The following TNC variants were observed in gnomAD, a reference collection of about 807,000 sequenced individuals.
TNC encodes tenascin C, also known as tenascin.
TNC carries 109 observed loss-of-function variants against 202.4 expected under a neutral mutation model. The observed-to-expected ratio is 0.54, with a 90% CI of 0.46 to 0.63. The LOEUF (loss-of-function observed/expected upper bound fraction) is 0.63, where lower values mean the gene tolerates loss of function less well. Ranked by LOEUF, TNC falls within the 30% of genes least tolerant of loss-of-function variation. The probability of loss-of-function intolerance (pLI) is 0.00; values close to 1 mark genes in which losing one functional copy is unlikely to be tolerated. For synonymous variants in TNC, 1,007 were observed against 1,089.7 expected (o/e 0.92, Z 1.50); for missense variants, 2,756 against 2,833.3 (o/e 0.97, Z 0.62).
chr9:115,025,011 G>C (rs1829369675), intron 26 of TNC, among the ~76,000 whole-genome samples: 1 of 152,142 alleles, frequency 6.6e-6, no homozygotes, highest in Non-Finnish European at 1.5e-5. Flanking sequence ...AGAGCATGAG[G>C]ACGGCACGTA....
intron 1 of TNC, among the ~76,000 whole-genome samples, chr9:115,109,736 G>A (rs1392669527): frequency 6.6e-6 from 1 of 152,178 alleles, no homozygotes; most frequent in Non-Finnish European, 1.5e-5. Context: ...CATTCCTTGA[G>A]GTCTGTGTCC....
chr9:115,071,842 A>G (rs1453079041), intron 10 of TNC, among the ~76,000 whole-genome samples: 1 of 152,214 alleles, frequency 6.6e-6, no homozygotes, highest in Admixed American at 6.5e-5. Context: ...GCTCATGTTT[A>G]TAAAGCTGAA....
At position 115,073,590 on chromosome 9, in the gene TNC, A is replaced by G. The variant is rs753016557; in HGVS notation, c.3214+13T>C. The G allele has an allele frequency of 6.2e-7, 1 of 1,607,586 alleles. No homozygotes were observed. ...TCAACCTAGAGTTTGGAGGAAGCTC[A>G]GGGCAGACTCACCAGTGGATGCCTT... is the stretch of plus-strand genomic sequence containing the variant. On this transcript the variant is annotated intron_variant, in intron 10 of 27. Coordinates refer to ENST00000350763, the MANE Select transcript of TNC (RefSeq NM_002160.4).
Position 115,090,641 on chromosome 9 carries a change from C to T in TNC, c.378G>A (p.Leu126=). 6.2e-7 allele frequency: 1 copy of T among 1,612,854 alleles called. No individual in the cohort carries two copies. Among genetic ancestry groups the T allele is most frequent in the Non-Finnish European group, 8.5e-7 (1 of 1,179,080 alleles). Residue 126 remains leucine, a synonymous_variant, in exon 2 of 28, where the codon CTG becomes CTA. Transcript: ENST00000350763. ...APDVKELLSR[L]EELENLVSSL... ...AAGACACCAGGTTCTCCAGCTCCTC[C>T]AGTCTGCTCAGCAGCTCCTTAACAT...
Position 115,063,867 on chromosome 9 carries a change from T to C in TNC, c.3689A>G (p.His1230Arg), listed in dbSNP as rs756428186. The C allele has an allele frequency of 6.2e-7, 1 of 1,614,196 alleles. No individual in the cohort carries two copies. Reference sequence around the variant, plus strand: ...GACCCCGCGGATGGTGATGGTATAATGAGTGGCTGCTTTGAGCCCAGGCAG... The same window carrying C: ...GACCCCGCGGATGGTGATGGTATAACGAGTGGCTGCTTTGAGCCCAGGCAG... The part of the protein sequence containing the change: ...TDLPGLKAAT[H>R]YTITIRGVTQ... Residue 1230 changes from histidine (H) to arginine (R), a missense_variant, in exon 12 of 28, where the codon CAT becomes CGT. Coordinates refer to ENST00000350763, the MANE Select transcript of TNC (RefSeq NM_002160.4).
intron 1 of TNC, among the ~76,000 whole-genome samples, chr9:115,094,730 T>C (rs1588190981): frequency 6.6e-6 from 1 of 151,840 alleles, no homozygotes; most frequent in East Asian, 1.9e-4. Context: ...AAACCAAGGT[T>C]GAGTGGGTCA....
chr9:115,076,234 T>G (rs1833840830), intron 8 of TNC, 113 bp from the exon 9 acceptor site: 1 of 1,427,896 alleles, frequency 7.0e-7, no homozygotes, highest in Non-Finnish European at 9.8e-7. Flanking sequence ...TTTCGGAATG[T>G]TTTACAAAAG....
Position 115,064,555 on chromosome 9 carries a change from C to T in TNC, c.3487+92G>A, listed in dbSNP as rs116714377. ...CCCATAGACATAAGTAGTGGCAGAA[C>T]AAGTCCATTCCAAAGCTAGTCGTGT... On this transcript the variant is annotated intron_variant, in intron 11 of 27. Coordinates refer to ENST00000350763, the MANE Select transcript of TNC (RefSeq NM_002160.4). The T allele has an allele frequency of 2.5e-3, 3,612 of 1,454,324 alleles. 82 individuals carry two copies. The African/African-American group carries it at 0.046, about 18-fold the overall frequency. 90.1% of individuals were successfully genotyped at this position (1,454,324 alleles called of 1,614,324 possible).
chr9:115,101,277 T>A (rs1417805826), intron 1 of TNC, among the ~76,000 whole-genome samples: 2 of 152,234 alleles, frequency 1.3e-5, no homozygotes, highest in Non-Finnish European at 2.9e-5. Flanking sequence ...AGTGGTGCGA[T>A]CTCAGCTCAT....
chr9:115,065,531 A>G (rs973216245), intron 10 of TNC, among the ~76,000 whole-genome samples: 1 of 152,196 alleles, frequency 6.6e-6, no homozygotes, highest in Non-Finnish European at 1.5e-5. Context: ...TCTGAGCTTC[A>G]GTTTTCATTT....
At chr9:115,042,468 G>T in intron 17 of TNC, 127 bp from the exon 18 acceptor site, 2 of 1,283,694 alleles carry the variant, frequency 1.6e-6, no homozygotes, top group Non-Finnish European at 2.1e-6. Flanking sequence ...AAGCCTTTAG[G>T]ATGGAGAATG....
intron 15 of TNC, among the ~76,000 whole-genome samples, chr9:115,051,312 G>C (rs10123436): frequency 1.3e-5 from 2 of 151,610 alleles, no homozygotes; most frequent in Non-Finnish European, 2.9e-5. Flanking sequence ...TTCCAACCCC[G>C]ATCACATCTA....
chr9:115,056,535 T>G (rs1237754677), intron 15 of TNC, among the ~76,000 whole-genome samples: 1 of 152,220 alleles, frequency 6.6e-6, no homozygotes, highest in Non-Finnish European at 1.5e-5. Context: ...TTTTTGCCAT[T>G]TATCATTCAC....
intron 2 of TNC, among the ~76,000 whole-genome samples, chr9:115,089,099 C>T (rs147054689): frequency 6.6e-6 from 1 of 152,234 alleles, no homozygotes; most frequent in East Asian, 1.9e-4. Flanking sequence ...ACTGTGTATT[C>T]TCATCTGCAT....
chr9:115,076,695 A>G (rs1301544243), intron 7 of TNC, 120 bp from the exon 8 acceptor site: 2 of 1,129,160 alleles, frequency 1.8e-6, no homozygotes, highest in Non-Finnish European at 2.5e-6. Flanking sequence ...CAAAATTCTC[A>G]GCACACTCAT....
chr9:115,044,101 C>A (rs923007919), intron 17 of TNC, among the ~76,000 whole-genome samples: 2 of 152,118 alleles, frequency 1.3e-5, no homozygotes, highest in Admixed American at 6.5e-5. Context: ...GCCCTTTCTA[C>A]TGCCCTGGGC....
At position 115,081,796 on chromosome 9, in the gene TNC, C is replaced by T. The variant is rs773582329; in HGVS notation, c.2380G>A (p.Gly794Ser). 18 of 1,613,772 alleles carry T rather than the reference C, an allele frequency of 1.1e-5. No individual in the cohort carries two copies. In the South Asian group the frequency reaches 1.6e-4, roughly 15 times the overall value. The change falls in exon 6 of 28, where the codon GGC (glycine) becomes AGC (serine). Residue 794 changes from glycine to serine, a missense_variant. Coordinates refer to ENST00000350763, the MANE Select transcript of TNC (RefSeq NM_002160.4). The part of the protein sequence containing the change: ...HIVKNNTRGP[G>S]LKRVTTTRLD... ...CGTGTGGTGGTCACCCTCTTCAGGC[C>T]AGGGCCCCGGGTATTGTTTTTCACT... is the stretch of plus-strand genomic sequence containing the variant.
intron 15 of TNC, chr9:115,055,609 C>G (rs951391288): frequency 6.6e-6 from 1 of 152,452 alleles, no homozygotes; most frequent in African/African-American, 2.4e-5. Context: ...CAGACAGCAC[C>G]ATGGTCTCAT....
chr9:115,065,293 G>C (rs759371288), intron 10 of TNC, among the ~76,000 whole-genome samples: 10 of 152,148 alleles, frequency 6.6e-5, no homozygotes, highest in Non-Finnish European at 1.2e-4. Context: ...CTACTCAGGA[G>C]GCTGAGGCAG....
Sources: gnomAD v4.1 joint callset for allele counts (sites outside exome capture counted in the v4.1 genomes callset) on GRCh38, gnomAD v4.1.1 for gene constraint, MANE v1.5 for transcripts, NCBI Gene and HGNC (gene_info 2026-07-23, HGNC 2026-07-21) for gene names.